SLC44A5: variants seen among roughly 807,000 people sequenced by gnomAD.
The protein encoded by SLC44A5 is solute carrier family 44 member 5.
A neutral mutation model predicts 101.8 loss-of-function variants in SLC44A5; 57 were observed. The observed-to-expected ratio is 0.56, with a 90% CI of 0.45 to 0.70. The LOEUF is 0.70. SLC44A5 is among the 30% of genes least tolerant of loss of function. The pLI is 0.00. For synonymous variants in SLC44A5, 281 were observed against 290.9 expected, an observed-to-expected ratio of 0.97 and a Z score of 0.35; for missense variants, 737 against 853.1, an observed-to-expected ratio of 0.86 and a Z score of 1.70.
intron 3 of SLC44A5, among the ~76,000 whole-genome samples, chr1:75,386,269 G>A (rs1465023255): frequency 6.6e-6 from 1 of 152,136 alleles, no homozygotes; most frequent in Non-Finnish European, 1.5e-5. Context: ...AAGTCAAATT[G>A]TCCCTGTTTG....
chr1:75,564,918 G>A (rs1339888987), intron 1 of SLC44A5, among the ~76,000 whole-genome samples: 2 of 152,210 alleles, frequency 1.3e-5, no homozygotes, highest in East Asian at 1.9e-4. Context: ...CACTGCGCCC[G>A]GCCTATTTTT....
intron 3 of SLC44A5, among the ~76,000 whole-genome samples, chr1:75,375,439 C>T (rs908215493): frequency 6.6e-6 from 1 of 152,116 alleles, no homozygotes; most frequent in Admixed American, 6.5e-5. Context: ...AACAATTTCC[C>T]CAATTTTGCG....
rs370699958 is a variant in SLC44A5, at chr1:75,428,897, GAAGT to G, written c.14-32280_14-32277del. On this transcript the variant is annotated intron_variant, in intron 2 of 23. Transcript: ENST00000370859. ...TCAGGCACAAAGCTAGTTAGTGCCA[GAAGT>G]AAGAGTCTTAGTTTTTTTGTCTTTC... is the stretch of plus-strand genomic sequence containing the variant. Among the ~76,000 whole-genome samples, 11 of 152,320 alleles carry G rather than the reference GAAGT, an allele frequency of 7.2e-5. No homozygotes were observed. The South Asian group carries it at 1.2e-3, about 17-fold the overall frequency.
intron 6 of SLC44A5, among the ~76,000 whole-genome samples, chr1:75,271,497 T>TTTTTGTGTGTGTGTGTG (rs1553152601): frequency 1.1e-4 from 16 of 146,400 alleles, no homozygotes; most frequent in South Asian, 6.6e-4. Context: ...TCTGCATGTT[T>TTTTTGTGTGTGTGTGTG]TGTGTGTGTG....
intron 4 of SLC44A5, among the ~76,000 whole-genome samples, chr1:75,321,366 T>C (rs1014714817): frequency 6.6e-6 from 1 of 152,162 alleles, no homozygotes. Flanking sequence ...AAATCAAAGA[T>C]CAAGGTGCCA....
At chr1:75,447,246 A>G (rs1176988047) in intron 2 of SLC44A5, among the ~76,000 whole-genome samples, 1 of 152,184 alleles carries the variant, frequency 6.6e-6, no homozygotes, top group Non-Finnish European at 1.5e-5. Flanking sequence ...AATATTTTCT[A>G]TTAAGATCAT....
chr1:75,657,385 C>CA, the SLC44A5 span, among the ~76,000 whole-genome samples: 5 of 151,788 alleles, frequency 3.3e-5, no homozygotes, highest in South Asian at 2.1e-4. Flanking sequence ...TGCGTCACTA[C>CA]AAAAAATACA....
intron 3 of SLC44A5, among the ~76,000 whole-genome samples, chr1:75,365,635 C>T (rs796240902): frequency 5.3e-5 from 8 of 152,234 alleles, no homozygotes; most frequent in African/African-American, 1.9e-4. Context: ...ATGGAATCAA[C>T]CTAAATGCCC....
chr1:75,700,382 T>G, the SLC44A5 span, among the ~76,000 whole-genome samples: 1 of 152,072 alleles, frequency 6.6e-6, no homozygotes, highest in Non-Finnish European at 1.5e-5. Context: ...ACATGGAAAC[T>G]GAACAACCTG....
At chr1:75,400,644 A>G (rs571885409) in intron 2 of SLC44A5, among the ~76,000 whole-genome samples, 147 of 152,252 alleles carry the variant, frequency 9.7e-4, no homozygotes, top group African/African-American at 3.3e-3. Context: ...GGGCTCATCA[A>G]TGTGAAAGTC....
At chr1:75,682,875 C>T in the SLC44A5 span, among the ~76,000 whole-genome samples, 3 of 152,122 alleles carry the variant, frequency 2.0e-5, no homozygotes, top group Non-Finnish European at 4.4e-5. Context: ...GGGCTAATAT[C>T]CAGAATCTAC....
chr1:75,357,112 C>T (rs1216251893), intron 3 of SLC44A5: 5 of 437,708 alleles, frequency 1.1e-5, no homozygotes, highest in South Asian at 3.2e-5. Flanking sequence ...ATTTTAATTC[C>T]CACATCCATG....
At chr1:75,302,104 G>GTTTTTATT (rs1654498602) in intron 4 of SLC44A5, among the ~76,000 whole-genome samples, 1 of 49,590 alleles carries the variant, frequency 2.0e-5, no homozygotes, top group Admixed American at 2.9e-4. Context: ...AGGTGCTCTA[G>GTTTTTATT]TTTTTTTGTT....
At chr1:75,615,436 T>TACACACACACACACACACACACACAC (rs56337760), upstream of SLC44A5, among the ~76,000 whole-genome samples, 7 of 133,510 alleles carry the variant, frequency 5.2e-5, no homozygotes, top group African/African-American at 1.8e-4. Context: ...CACACATACA[T>TACACACACACACACACACACACACAC]ACACACACAC....
intron 3 of SLC44A5, among the ~76,000 whole-genome samples, chr1:75,345,953 G>A (rs1045580089): frequency 3.3e-5 from 5 of 152,166 alleles, no homozygotes; most frequent in Non-Finnish European, 5.9e-5. Flanking sequence ...GTAGCTGTGA[G>A]AGAGGATGAG....
intron 6 of SLC44A5, among the ~76,000 whole-genome samples, chr1:75,256,936 C>G (rs1339035652): frequency 6.6e-6 from 1 of 152,128 alleles, no homozygotes; most frequent in Non-Finnish European, 1.5e-5. Context: ...CCATAGCAGA[C>G]TGTCAGTGGA....
chr1:75,418,319 C>G (rs553538677), intron 2 of SLC44A5, among the ~76,000 whole-genome samples: 120 of 152,292 alleles, frequency 7.9e-4, no homozygotes, highest in Non-Finnish European at 1.1e-3. Flanking sequence ...TGGAGCTTAT[C>G]ATCTACCAGG....
At chr1:75,349,915 AG>A (rs1658517171) in intron 3 of SLC44A5, among the ~76,000 whole-genome samples, 1 of 152,218 alleles carries the variant, frequency 6.6e-6, no homozygotes, top group African/African-American at 2.4e-5. Context: ...TAGTAGAGGA[AG>A]GAAAATAGAA....
intron 23 of SLC44A5, among the ~76,000 whole-genome samples, chr1:75,210,553 A>G (rs192263959): frequency 3.3e-5 from 5 of 152,278 alleles, no homozygotes; most frequent in Admixed American, 2.6e-4. Context: ...AATTGGCCCT[A>G]TATGTCCTTG....
Sources: gnomAD v4.1 joint callset for allele counts (sites outside exome capture counted in the v4.1 genomes callset) on GRCh38, gnomAD v4.1.1 for gene constraint, MANE v1.5 for transcripts, NCBI Gene and HGNC (gene_info 2026-07-23, HGNC 2026-07-21) for gene names.